LIMCH1: variants seen among roughly 807,000 people sequenced by gnomAD.
LIMCH1 encodes LIM and calponin homology domains-containing protein 1.
LIMCH1 carries 113 observed loss-of-function variants against 176.5 expected under a neutral mutation model. That is an observed-to-expected ratio of 0.64 (90% CI 0.55 to 0.75). LIMCH1 has a LOEUF of 0.75. Ranked by LOEUF, LIMCH1 falls within the 30% of genes least tolerant of loss-of-function variation. The pLI is 0.00. For synonymous variants in LIMCH1, 619 were observed against 645.9 expected, an observed-to-expected ratio of 0.96 and a Z score of 0.63; for missense variants, 1,674 against 1,814.9, an observed-to-expected ratio of 0.92 and a Z score of 1.41.
intron 18 of LIMCH1, among the ~76,000 whole-genome samples, chr4:41,658,824 T>C (rs903915541): frequency 2.0e-5 from 3 of 152,238 alleles, no homozygotes; most frequent in Admixed American, 2.0e-4. Context: ...TTATTTATTT[T>C]GTTTATAGTA....
At chr4:41,688,043 A>G in intron 29 of LIMCH1, 126 bp downstream of exon 29, 2 of 673,694 alleles carry the variant, frequency 3.0e-6, no homozygotes, top group Non-Finnish European at 5.3e-6. Context: ...ATCTCTTCCT[A>G]CACACACACA....
chr4:41,376,099 A>G (rs2054727647), intron 1 of LIMCH1, among the ~76,000 whole-genome samples: 1 of 152,200 alleles, frequency 6.6e-6, no homozygotes, highest in African/African-American at 2.4e-5. Flanking sequence ...AGTTTTCCCC[A>G]AAGGTATCTC....
At chr4:41,507,645 G>A (rs777060764) in intron 2 of LIMCH1, among the ~76,000 whole-genome samples, 7 of 152,194 alleles carry the variant, frequency 4.6e-5, no homozygotes, top group Non-Finnish European at 1.0e-4. Flanking sequence ...ATAATTCACA[G>A]TATCACAGCA....
At chr4:41,598,800 A>G (rs534103493) in intron 1 of LIMCH1, 120 bp from the exon 2 acceptor site, 14 of 502,526 alleles carry the variant, frequency 2.8e-5, no homozygotes, top group South Asian at 2.6e-4. Context: ...TATGCAAGCT[A>G]TGATTTAGAC....
At chr4:41,531,576 T>C (rs1002302125) in intron 3 of LIMCH1, among the ~76,000 whole-genome samples, 12 of 151,066 alleles carry the variant, frequency 7.9e-5, no homozygotes, top group South Asian at 2.1e-4. Context: ...CCTCAAATCT[T>C]TGAGCCTCAC....
At chr4:41,606,059 C>A in intron 4 of LIMCH1, 55 bp downstream of exon 4, 2 of 1,259,768 alleles carry the variant, frequency 1.6e-6, no homozygotes, top group Non-Finnish European at 2.3e-6. Context: ...GGGAAAGCTA[C>A]ACATTTGCTT....
At chr4:41,692,478 G>A (rs1726884192) in intron 31 of LIMCH1, 94 bp downstream of exon 31, 1 of 751,750 alleles carries the variant, frequency 1.3e-6, no homozygotes, top group Non-Finnish European at 2.3e-6. Context: ...TTCCCCAGCC[G>A]TTGACACTCT....
intron 5 of LIMCH1, among the ~76,000 whole-genome samples, chr4:41,618,209 C>T (rs1240624331): frequency 6.6e-6 from 1 of 152,140 alleles, no homozygotes; most frequent in African/African-American, 2.4e-5. Flanking sequence ...TTGTTTTCAA[C>T]CAGCATTGAA....
rs543698801 is a variant in LIMCH1 at position 41,526,637 on chromosome 4, A to T, written c.237+2159A>T. On this transcript the variant is annotated intron_variant, in intron 3 of 26. Transcript: ENST00000313860. ...ATGACTTCAGCTCTCCATGATATTGACCCAAAGCAGCATTTCTCATCAAGT... is the reference window on the plus strand; with the variant it reads ...ATGACTTCAGCTCTCCATGATATTGTCCCAAAGCAGCATTTCTCATCAAGT... Among the ~76,000 whole-genome samples, 7 of 152,136 alleles carry T rather than the reference A, an allele frequency of 4.6e-5. No homozygotes were observed. The South Asian group carries it at 1.2e-3, about 27-fold the overall frequency.
chr4:41,468,216 A>G (rs964224777), intron 1 of LIMCH1, among the ~76,000 whole-genome samples: 1 of 143,100 alleles, frequency 7.0e-6, no homozygotes. Flanking sequence ...GCCTGCCTTT[A>G]TTCCCTCCCT....
intron 29 of LIMCH1, among the ~76,000 whole-genome samples, chr4:41,688,635 AT>A (rs1722858261): frequency 6.6e-6 from 1 of 152,166 alleles, no homozygotes; most frequent in Non-Finnish European, 1.5e-5. Context: ...TTTCTCAGAC[AT>A]TTGGCATCAT....
At chr4:41,661,371 A>T in intron 18 of LIMCH1, 49 bp from the exon 19 acceptor site, 1 of 1,330,218 alleles carries the variant, frequency 7.5e-7, no homozygotes, top group Non-Finnish European at 1.1e-6. Context: ...AATTTTTAGA[A>T]CTTTTAAAGG....
At chr4:41,425,762 A>G (rs1470728708) in intron 1 of LIMCH1, among the ~76,000 whole-genome samples, 1 of 152,170 alleles carries the variant, frequency 6.6e-6, no homozygotes, top group Non-Finnish European at 1.5e-5. Flanking sequence ...TCAGTTGCCA[A>G]TCTCTGAAAA....
chr4:41,383,792 G>A (rs2056076113), intron 1 of LIMCH1, among the ~76,000 whole-genome samples: 2 of 152,156 alleles, frequency 1.3e-5, no homozygotes, highest in Admixed American at 1.3e-4. Flanking sequence ...TGATTCTGGT[G>A]TGTGACCAGG....
chr4:41,408,382 G>A (rs1162454493), intron 1 of LIMCH1, among the ~76,000 whole-genome samples: 1 of 152,144 alleles, frequency 6.6e-6, no homozygotes, highest in Admixed American at 6.5e-5. Flanking sequence ...CTGACTTTAT[G>A]CAAATATAAC....
At chr4:41,475,765 C>T (rs1190438089) in intron 1 of LIMCH1, among the ~76,000 whole-genome samples, 2 of 151,966 alleles carry the variant, frequency 1.3e-5, no homozygotes, top group Admixed American at 1.3e-4. Flanking sequence ...CTAGTGCATG[C>T]GGAGCTTAAA....
At chr4:41,500,090 C>A (rs542922665) in intron 2 of LIMCH1, among the ~76,000 whole-genome samples, 59 of 152,304 alleles carry the variant, frequency 3.9e-4, no homozygotes, top group African/African-American at 1.4e-3. Flanking sequence ...TAGGGTTTGT[C>A]CCATTGCTGG....
At chr4:41,654,049 A>G (rs776472448) in intron 18 of LIMCH1, among the ~76,000 whole-genome samples, 1 of 152,228 alleles carries the variant, frequency 6.6e-6, no homozygotes, top group Non-Finnish European at 1.5e-5. Context: ...AAATAGAAGA[A>G]TAAACTTCTA....
At chr4:41,482,720 A>G (rs1245272631) in intron 1 of LIMCH1, among the ~76,000 whole-genome samples, 1 of 152,186 alleles carries the variant, frequency 6.6e-6, no homozygotes, top group East Asian at 1.9e-4. Context: ...GCTGCCAATA[A>G]TGATAATGGA....
Sources: allele counts gnomAD v4.1 joint callset (sites outside exome capture counted in the v4.1 genomes callset), GRCh38; gene constraint gnomAD v4.1.1; transcripts MANE v1.5; gene names NCBI Gene and HGNC (gene_info 2026-07-23, HGNC 2026-07-21).